Variants in MDFIC2 observed in about 807,000 individuals in gnomAD.
MDFIC2 encodes myoD family inhibitor domain-containing protein 2.
intron 2 of MDFIC2, among the ~76,000 whole-genome samples, chr3:70,255,545 G>A (rs562983322): frequency 3.3e-5 from 5 of 152,080 alleles, no homozygotes; most frequent in South Asian, 4.2e-4. Context: ...CCTCAGTCCT[G>A]CAGCCTCAGT....
chr3:70,237,540 C>T (rs1481029261), intron 2 of MDFIC2, among the ~76,000 whole-genome samples: 2 of 152,200 alleles, frequency 1.3e-5, no homozygotes, highest in Non-Finnish European at 2.9e-5. Context: ...TGATGTCTTA[C>T]ACCTCTTACT....
intron 2 of MDFIC2, among the ~76,000 whole-genome samples, chr3:70,268,934 CA>C (rs1302533269): frequency 5.9e-5 from 9 of 151,986 alleles, no homozygotes; most frequent in Non-Finnish European, 1.2e-4. Flanking sequence ...ACAATGGAAG[CA>C]ATTAAAATTT....
At position 70,244,954 on chromosome 3, in the gene MDFIC2, A is replaced by G. The variant is rs542534977; in HGVS notation, c.89-38164T>C. ...TTCTGAATATTCCCCCAAATTATAT[A>G]TATAAAAATCATACTACTTATCTGG... is the stretch of plus-strand genomic sequence containing the variant. On this transcript the variant is annotated intron_variant, in intron 2 of 3. Coordinates refer to ENST00000567252, the MANE Select transcript of MDFIC2 (RefSeq NM_001364677.1). 7.2e-5 allele frequency among the ~76,000 whole-genome samples: 11 copies of G among 152,298 alleles called. No homozygotes were observed. The East Asian group carries it at 1.7e-3, about 24-fold the overall frequency.
intron 2 of MDFIC2, among the ~76,000 whole-genome samples, chr3:70,309,540 C>A (rs935074749): frequency 6.6e-6 from 1 of 152,158 alleles, no homozygotes; most frequent in African/African-American, 2.4e-5. Flanking sequence ...GATAAAGTAA[C>A]ATGGCACAAT....
chr3:70,284,157 C>T (rs184334796), intron 2 of MDFIC2, among the ~76,000 whole-genome samples: 53 of 152,156 alleles, frequency 3.5e-4, no homozygotes, highest in African/African-American at 1.2e-3. Context: ...GCAAGAGTCA[C>T]AGTGTATTTC....
intron 2 of MDFIC2, among the ~76,000 whole-genome samples, chr3:70,259,434 A>T (rs1287996455): frequency 6.6e-6 from 1 of 152,016 alleles, no homozygotes; most frequent in Non-Finnish European, 1.5e-5. Flanking sequence ...AAAAAGAAAG[A>T]AAGTAAGCAC....
At chr3:70,271,103 AAGTTGT>A (rs1407627408) in intron 2 of MDFIC2, among the ~76,000 whole-genome samples, 1 of 152,184 alleles carries the variant, frequency 6.6e-6, no homozygotes, top group Non-Finnish European at 1.5e-5. Context: ...CGAAGCTGGG[AAGTTGT>A]ATATACTAAA....
chr3:70,208,852 C>G (rs1701314429), intron 2 of MDFIC2, among the ~76,000 whole-genome samples: 1 of 152,048 alleles, frequency 6.6e-6, no homozygotes, highest in South Asian at 2.1e-4. Flanking sequence ...AATTTCTATT[C>G]TCTTCCTTTT....
At position 70,283,405 on chromosome 3, in the gene MDFIC2, A is replaced by G. The variant is rs1702108374; in HGVS notation, c.88+28481T>C. On this transcript the variant is annotated intron_variant, in intron 2 of 3. Coordinates refer to ENST00000567252, the MANE Select transcript of MDFIC2 (RefSeq NM_001364677.1). ...GGATGGTTATTGTTCAGGCTGACGA[A>G]TACTGAAATTCTCCCTGGATACTGT... Among the ~76,000 whole-genome samples, 4 of 152,116 alleles carry G rather than the reference A, an allele frequency of 2.6e-5. No homozygotes were observed. In the South Asian group the frequency reaches 8.3e-4, roughly 32 times the overall value.
chr3:70,257,787 G>C (rs367958998), intron 2 of MDFIC2, among the ~76,000 whole-genome samples: 1 of 152,218 alleles, frequency 6.6e-6, no homozygotes, highest in South Asian at 2.1e-4. Context: ...CCAGCAGCAG[G>C]CATGTGTAGA....
chr3:70,290,806 G>T (rs1702229984), intron 2 of MDFIC2, among the ~76,000 whole-genome samples: 1 of 152,184 alleles, frequency 6.6e-6, no homozygotes, highest in Admixed American at 6.5e-5. Context: ...GTATTCGGGT[G>T]GGAGTGACCC....
intron 3 of MDFIC2, chr3:70,204,723 C>T (rs918198498): frequency 1.3e-5 from 2 of 151,562 alleles, no homozygotes; most frequent in Non-Finnish European, 2.9e-5. Context: ...TGATTTGGGC[C>T]CTTTCCTGAT....
intron 2 of MDFIC2, among the ~76,000 whole-genome samples, chr3:70,268,623 A>C (rs1701946432): frequency 6.6e-6 from 1 of 152,178 alleles, no homozygotes; most frequent in African/African-American, 2.4e-5. Context: ...ACAAATGTAT[A>C]TTGACATGTA....
At chr3:70,240,382 G>A (rs1407575349) in intron 2 of MDFIC2, among the ~76,000 whole-genome samples, 1 of 151,902 alleles carries the variant, frequency 6.6e-6, no homozygotes, top group African/African-American at 2.4e-5. Context: ...GTAGAAGTGA[G>A]CTATGTGGTT....
At chr3:70,312,230 T>G (rs1001376572) in intron 1 of MDFIC2, among the ~76,000 whole-genome samples, 1 of 152,184 alleles carries the variant, frequency 6.6e-6, no homozygotes, top group Non-Finnish European at 1.5e-5. Context: ...AATTTCTCAA[T>G]GTGAAAGAAT....
chr3:70,256,958 A>G (rs1701822440), intron 2 of MDFIC2, among the ~76,000 whole-genome samples: 1 of 152,170 alleles, frequency 6.6e-6, no homozygotes, highest in Non-Finnish European at 1.5e-5. Context: ...TGTGAAGCAC[A>G]AGGAAAAGCC....
chr3:70,237,979 C>CTTTTTTTTTTTTTTTTTTTTT lies in MDFIC2; in HGVS notation c.89-31210_89-31190dup, dbSNP rs71672662. Among the ~76,000 whole-genome samples, 144 of 48,942 alleles carry CTTTTTTTTTTTTTTTTTTTTT rather than the reference C, an allele frequency of 2.9e-3. 48 individuals are homozygous for CTTTTTTTTTTTTTTTTTTTTT. Among genetic ancestry groups the CTTTTTTTTTTTTTTTTTTTTT allele is most frequent in the South Asian group, 8.5e-3 (6 of 710 alleles). The allele number at this position is 48,942 out of a possible 152,430, so 32.1% of individuals were successfully genotyped here. On this transcript the variant is annotated intron_variant, in intron 2 of 3. Transcript: ENST00000567252. ...GGAAAAGAAACTAATTGAGTGGTAT[C>CTTTTTTTTTTTTTTTTTTTTT]TTTTTTTTTTTTTTTTTTTTTTTTT...
intron 2 of MDFIC2, among the ~76,000 whole-genome samples, chr3:70,290,525 C>T (rs1019204719): frequency 1.3e-5 from 2 of 152,202 alleles, no homozygotes; most frequent in African/African-American, 4.8e-5. Flanking sequence ...TTGTCTGTGC[C>T]CTGCCCCCAG....
At chr3:70,281,093 T>C (rs1702078337) in intron 2 of MDFIC2, among the ~76,000 whole-genome samples, 1 of 152,222 alleles carries the variant, frequency 6.6e-6, no homozygotes, top group African/African-American at 2.4e-5. Flanking sequence ...CCTTTTCTCC[T>C]GTTAATCAGC....
Sources: gnomAD v4.1 joint callset for allele counts (sites outside exome capture counted in the v4.1 genomes callset) on GRCh38, gnomAD v4.1.1 for gene constraint, MANE v1.5 for transcripts, NCBI Gene and HGNC (gene_info 2026-07-23, HGNC 2026-07-21) for gene names.